Variants in NGLY1 observed in about 807,000 individuals in gnomAD.
NGLY1 encodes N-glycanase 1, also known as peptide-N(4)-(N-acetyl-beta-glucosaminyl)asparagine amidase.
In NGLY1, 68 loss-of-function variants were observed where a neutral mutation model predicts 84.6. The observed-to-expected ratio is 0.80, with a 90% CI of 0.66 to 0.98. The LOEUF (loss-of-function observed/expected upper bound fraction) is 0.98. Ranked by LOEUF, NGLY1 falls within the 50% of genes least tolerant of loss-of-function variation. NGLY1 has a pLI of 0.00. For missense variants in NGLY1, 779 were observed against 770.2 expected (o/e 1.01, Z -0.14); for synonymous variants, 280 against 275.2 (o/e 1.02, Z -0.17).
At chr3:25,725,497 T>G (rs1705205672) in intron 10 of NGLY1, among the ~76,000 whole-genome samples, 2 of 152,186 alleles carry the variant, frequency 1.3e-5, no homozygotes, top group African/African-American at 4.8e-5. Flanking sequence ...TTATAGCCAG[T>G]TGGTCAGAAG....
In NGLY1 at chr3:25,751,282, A is replaced by C. The variant is rs1706736959; in HGVS notation, c.493-19T>G. 2.7e-6 allele frequency: 4 copies of C among 1,501,002 alleles called. No homozygotes were observed. Among genetic ancestry groups the C allele is most frequent in the Non-Finnish European group, 3.5e-6 (4 of 1,127,184 alleles). 93.0% of individuals were successfully genotyped at this position (1,501,002 alleles called of 1,614,324 possible). A position where few individuals can be genotyped will look rare whatever the true frequency, so the allele number is the denominator to read the frequency against. ...CAGCAACCTAATAGGAAAAAAAAAA[A>C]CTGAAATTAACTTTTCACCATATGC... On this transcript the variant is annotated intron_variant, in intron 3 of 11. Coordinates refer to ENST00000280700, the MANE Select transcript of NGLY1 (RefSeq NM_018297.4).
chr3:25,737,939 T>C (rs942222399), intron 5 of NGLY1, among the ~76,000 whole-genome samples: 2 of 152,186 alleles, frequency 1.3e-5, no homozygotes, highest in African/African-American at 4.8e-5. Context: ...TAGTACTGCT[T>C]TCAAGGTGTT....
chr3:25,769,532 T>C lies in NGLY1; in HGVS notation c.247-5221A>G, dbSNP rs1707787996. 3.3e-5 allele frequency among the ~76,000 whole-genome samples: 5 copies of C among 152,118 alleles called. No homozygotes were observed. In the South Asian group the frequency reaches 1.0e-3, roughly 32 times the overall value. On this transcript the variant is annotated intron_variant, in intron 2 of 11. Coordinates refer to ENST00000280700, the MANE Select transcript of NGLY1 (RefSeq NM_018297.4). ...ATTATCTTACTCCAGTTAAAATAGCTATTATCAAAAAGACAGAAAATAAAT... is the reference window on the plus strand; with the variant it reads ...ATTATCTTACTCCAGTTAAAATAGCCATTATCAAAAAGACAGAAAATAAAT...
Position 25,729,186 on chromosome 3 carries a change from C to A in NGLY1, c.1558G>T (p.Gly520Cys). 6.4e-7 allele frequency: 1 copy of A among 1,558,376 alleles called. No homozygotes were observed. The highest frequency in any genetic ancestry group is 8.7e-7 in the Non-Finnish European group (1 of 1,148,574). Residue 520 changes from glycine to cysteine, a missense_variant, in exon 10 of 12, where the codon GGC (glycine) becomes TGC (cysteine). Physicochemically the swap from Gly to Cys is radical, Grantham distance 159. Coordinates refer to ENST00000280700, the MANE Select transcript of NGLY1 (RefSeq NM_018297.4). Reference protein sequence around the residue: ...NNQTISGWENGVWKMESIFRK... With the variant: ...NNQTISGWENCVWKMESIFRK... ...AATATAGATTCCATTTTCCACACGC[C>A]ATTCTCCCATCCAGAAATGGTTTGA...
In NGLY1 at chr3:25,751,221, T is replaced by C. The variant is rs1329006958; in HGVS notation, c.535A>G (p.Ile179Val). 3.1e-6 allele frequency: 5 copies of C among 1,608,184 alleles called. No homozygotes were observed. In the Admixed American group the frequency reaches 8.4e-5, roughly 27 times the overall value. ...TTTTCATAGACCAGCACATGCTGAATGTTGGACTGAAGAACTTCTAGAATG... is the reference window on the plus strand; with the variant it reads ...TTTTCATAGACCAGCACATGCTGAACGTTGGACTGAAGAACTTCTAGAATG... The part of the protein sequence containing the change: ...SAILEVLQSN[I>V]QHVLVYENPA... The change falls in exon 4 of 12, where the codon ATT becomes GTT. Residue 179 changes from isoleucine to valine, a missense_variant. By Grantham distance (29) the Ile-to-Val change is conservative. Transcript: ENST00000280700.
chr3:25,758,457 A>G (rs1402541231), intron 3 of NGLY1, among the ~76,000 whole-genome samples: 1 of 152,132 alleles, frequency 6.6e-6, no homozygotes, highest in Non-Finnish European at 1.5e-5. Context: ...ACACACCTGT[A>G]GTCCCAGCTA....
chr3:25,723,198 A>T (rs2125448578), intron 10 of NGLY1, among the ~76,000 whole-genome samples: 1 of 152,310 alleles, frequency 6.6e-6, no homozygotes, highest in South Asian at 2.1e-4. Context: ...TTAACTGTTT[A>T]AGAGAAGGTT....
chr3:25,763,248 A>G (rs1707399944), intron 3 of NGLY1, among the ~76,000 whole-genome samples: 1 of 152,258 alleles, frequency 6.6e-6, no homozygotes, highest in South Asian at 2.1e-4. Flanking sequence ...TTTGTAAAAT[A>G]AAATGTTTGC....
intron 2 of NGLY1, among the ~76,000 whole-genome samples, chr3:25,768,448 A>T (rs1341466887): frequency 6.6e-6 from 1 of 151,366 alleles, no homozygotes; most frequent in Non-Finnish European, 1.5e-5. Context: ...AAGATGGATT[A>T]GAGACTTAAG....
chr3:25,775,421 T>G (rs907802578), intron 2 of NGLY1, among the ~76,000 whole-genome samples: 1 of 152,232 alleles, frequency 6.6e-6, no homozygotes, highest in Non-Finnish European at 1.5e-5. Context: ...ATAAAGAATA[T>G]GTGGTATCTA....
intron 2 of NGLY1, among the ~76,000 whole-genome samples, chr3:25,770,237 G>A (rs574896252): frequency 2.9e-4 from 44 of 152,168 alleles, no homozygotes; most frequent in Admixed American, 2.4e-3. Context: ...TGCAACCTCC[G>A]CCTCCCGGGT....
rs547886040 is a variant in NGLY1 at position 25,745,045 on chromosome 3, A to G, written c.659-5246T>C. On this transcript the variant is annotated intron_variant, in intron 4 of 11. Transcript: ENST00000280700. ...CCTAATTGATATACTCATTATGCCT[A>G]CCATACCACTTATTTCACTATATAA... 4.6e-5 allele frequency among the ~76,000 whole-genome samples: 7 copies of G among 152,274 alleles called. No individual in the cohort carries two copies. The South Asian group carries it at 1.5e-3, about 32-fold the overall frequency.
At chr3:25,786,030 G>A (rs912022406), upstream of NGLY1, among the ~76,000 whole-genome samples, 14 of 152,288 alleles carry the variant, frequency 9.2e-5, no homozygotes, top group South Asian at 4.1e-4. Context: ...ACACAATAGT[G>A]AATCACTATA....
chr3:25,722,274 C>CACAT lies in NGLY1; in HGVS notation c.1612-2084_1612-2083insATGT, dbSNP rs145856271. On this transcript the variant is annotated intron_variant, in intron 10 of 11. Transcript: ENST00000280700. ...ATATTATTAAAGATCTGTATACACA[C>CACAT]ATATATATATATATATATTCATGTT... Among the ~76,000 whole-genome samples, 687 of 148,198 alleles carry CACAT rather than the reference C, an allele frequency of 4.6e-3. 2 individuals are homozygous for CACAT. The highest frequency in any genetic ancestry group is 0.011 in the African/African-American group (431 of 40,608).
intron 9 of NGLY1, chr3:25,730,059 C>T (rs1705463492): frequency 6.6e-6 from 1 of 152,010 alleles, no homozygotes; most frequent in African/African-American, 2.4e-5. Flanking sequence ...AGGAGAGCAG[C>T]TGAGAGGTAT....
chr3:25,760,844 G>C (rs959949105), intron 3 of NGLY1, among the ~76,000 whole-genome samples: 2 of 125,968 alleles, frequency 1.6e-5, no homozygotes, highest in African/African-American at 6.8e-5. Context: ...TGGGCAACAA[G>C]AGTGAAACTC....
At chr3:25,739,864 T>C (rs1706042005) in intron 4 of NGLY1, 65 bp from the exon 5 acceptor site, 5 of 1,207,456 alleles carry the variant, frequency 4.1e-6, no homozygotes, top group East Asian at 4.8e-5. Context: ...TCCAAACATA[T>C]TTATTCTCAA....
chr3:25,737,818 A>T (rs557872804), intron 5 of NGLY1, among the ~76,000 whole-genome samples: 1 of 152,274 alleles, frequency 6.6e-6, no homozygotes, highest in East Asian at 1.9e-4. Flanking sequence ...TGCTGAGATT[A>T]CAGGTGTGAG....
At chr3:25,746,923 G>A (rs751541633) in intron 4 of NGLY1, among the ~76,000 whole-genome samples, 3 of 152,128 alleles carry the variant, frequency 2.0e-5, no homozygotes, top group African/African-American at 4.8e-5. Flanking sequence ...TCCGCCTTCC[G>A]GTTTCAAGCG....
Sources: gnomAD v4.1 joint callset for allele counts (sites outside exome capture counted in the v4.1 genomes callset) on GRCh38, gnomAD v4.1.1 for gene constraint, MANE v1.5 for transcripts, NCBI Gene and HGNC (gene_info 2026-07-23, HGNC 2026-07-21) for gene names.